BMPR1B: variants seen among roughly 807,000 people sequenced by gnomAD.
BMPR1B encodes the protein bone morphogenetic protein receptor type-1B.
A neutral mutation model predicts 59.1 loss-of-function variants in BMPR1B; 12 were observed. The observed-to-expected ratio is 0.20, with a 90% CI of 0.13 to 0.33. The LOEUF (loss-of-function observed/expected upper bound fraction) is 0.33, where lower values mean the gene tolerates loss of function less well. Ranked by LOEUF, BMPR1B falls within the 10% of genes least tolerant of loss-of-function variation. The probability of loss-of-function intolerance (pLI) is 1.00; values close to 1 mark genes in which losing one functional copy is unlikely to be tolerated. For missense variants in BMPR1B, 550 were observed against 610.9 expected (o/e 0.90, Z 1.05); for synonymous variants, 237 against 207.3 (o/e 1.14, Z -1.23).
At chr4:94,887,421 A>C (rs1371848714) in intron 2 of BMPR1B, among the ~76,000 whole-genome samples, 2 of 150,198 alleles carry the variant, frequency 1.3e-5, no homozygotes, top group Non-Finnish European at 3.0e-5. Context: ...AAAAAAAAAA[A>C]AACAAGAAGC....
intron 2 of BMPR1B, among the ~76,000 whole-genome samples, chr4:94,950,040 A>T (rs2149053278): frequency 6.6e-6 from 1 of 152,322 alleles, no homozygotes; most frequent in Non-Finnish European, 1.5e-5. Flanking sequence ...TCTAATGACC[A>T]GTGATGATGA....
chr4:94,995,408 T>C (rs1291573565), intron 2 of BMPR1B, among the ~76,000 whole-genome samples: 3 of 152,180 alleles, frequency 2.0e-5, no homozygotes, highest in Non-Finnish European at 4.4e-5. Flanking sequence ...GACCAATTAC[T>C]TAGTCACTGC....
At chr4:94,965,251 T>C (rs1730511101) in intron 2 of BMPR1B, among the ~76,000 whole-genome samples, 3 of 152,168 alleles carry the variant, frequency 2.0e-5, no homozygotes, top group South Asian at 4.1e-4. Context: ...TGGAACACTG[T>C]ACATAGTATC....
At position 95,148,761 on chromosome 4, in the gene BMPR1B, G is replaced by A; in HGVS notation, c.1090G>A (p.Val364Ile). The A allele has an allele frequency of 1.9e-6, 3 of 1,613,898 alleles. No homozygotes were observed. Among genetic ancestry groups the A allele is most frequent in the Non-Finnish European group, 2.5e-6 (3 of 1,179,894 alleles). The change falls in exon 11 of 13, where the codon GTT becomes ATT. Residue 364 changes from valine (V) to isoleucine (I), a missense_variant. By Grantham distance (29) the Val-to-Ile change is conservative. Coordinates refer to ENST00000515059, the MANE Select transcript of BMPR1B (RefSeq NM_001203.3). ...AVKFISDTNEVDIPPNTRVGT... is the reference protein window; with the variant it reads ...AVKFISDTNEIDIPPNTRVGT... ...CTTTTTCCTTAGTGATACAAATGAA[G>A]TTGACATACCACCTAACACTCGAGT...
intron 1 of BMPR1B, among the ~76,000 whole-genome samples, chr4:94,849,075 T>C (rs1171769246): frequency 3.3e-5 from 5 of 152,136 alleles, no homozygotes; most frequent in Non-Finnish European, 7.4e-5. Context: ...TATATAGGTT[T>C]TACCTAAAGC....
intron 3 of BMPR1B, among the ~76,000 whole-genome samples, chr4:95,075,017 G>T (rs1488282245): frequency 6.6e-6 from 1 of 152,068 alleles, no homozygotes; most frequent in African/African-American, 2.4e-5. Flanking sequence ...CCAAAAATTT[G>T]TAGTCTTGTT....
intron 1 of BMPR1B, among the ~76,000 whole-genome samples, chr4:94,818,815 A>G (rs969252836): frequency 7.2e-5 from 11 of 152,234 alleles, no homozygotes; most frequent in African/African-American, 2.2e-4. Context: ...GGATGTATAG[A>G]AAAGAATATC....
chr4:94,789,973 T>G (rs764071570), intron 1 of BMPR1B, among the ~76,000 whole-genome samples: 1 of 152,274 alleles, frequency 6.6e-6, no homozygotes, highest in Non-Finnish European at 1.5e-5. Context: ...AAGACCTTGA[T>G]GATGATCCAC....
intron 2 of BMPR1B, among the ~76,000 whole-genome samples, chr4:94,919,659 A>C (rs1231916306): frequency 6.6e-6 from 1 of 152,148 alleles, no homozygotes; most frequent in Non-Finnish European, 1.5e-5. Context: ...CGTGGCCACA[A>C]GGAGCAGGCC....
intron 1 of BMPR1B, among the ~76,000 whole-genome samples, chr4:94,790,322 AC>A (rs1238189382): frequency 6.6e-6 from 1 of 152,210 alleles, no homozygotes; most frequent in African/African-American, 2.4e-5. Flanking sequence ...GCTAAAGTTA[AC>A]CAGTGTGAGT....
chr4:94,758,235 G>A (rs1721603132), intron 1 of BMPR1B, among the ~76,000 whole-genome samples, 167 bp downstream of exon 1: 1 of 150,188 alleles, frequency 6.7e-6, no homozygotes. Context: ...CGGAGCGCGC[G>A]AGGGAGAGGG....
At chr4:95,111,473 C>G (rs1290818957) in intron 4 of BMPR1B, among the ~76,000 whole-genome samples, 2 of 152,074 alleles carry the variant, frequency 1.3e-5, no homozygotes, top group African/African-American at 4.8e-5. Flanking sequence ...CAGTTTTAGA[C>G]ATCTTCTAAA....
chr4:95,014,109 G>T (rs917744359), intron 3 of BMPR1B, among the ~76,000 whole-genome samples: 2 of 152,156 alleles, frequency 1.3e-5, no homozygotes, highest in East Asian at 3.9e-4. Context: ...TGTCTGACAG[G>T]TTTAAGTCCT....
intron 2 of BMPR1B, among the ~76,000 whole-genome samples, chr4:94,990,526 T>C (rs1009545153): frequency 3.3e-5 from 5 of 152,204 alleles, no homozygotes; most frequent in African/African-American, 1.2e-4. Context: ...AAATGAATTA[T>C]TGATTCCCAG....
chr4:95,105,446 C>G (rs1235547107), intron 4 of BMPR1B, among the ~76,000 whole-genome samples: 1 of 151,562 alleles, frequency 6.6e-6, no homozygotes, highest in Non-Finnish European at 1.5e-5. Context: ...GCTTCATTAG[C>G]CAGAAGGTAC....
intron 1 of BMPR1B, among the ~76,000 whole-genome samples, chr4:94,795,184 A>G (rs867043509): frequency 6.8e-6 from 1 of 147,428 alleles, no homozygotes; most frequent in Non-Finnish European, 1.5e-5. Flanking sequence ...ATTATTTTGA[A>G]ATATGTCCCA....
At chr4:95,092,061 T>C (rs552894488) in intron 3 of BMPR1B, among the ~76,000 whole-genome samples, 2 of 152,118 alleles carry the variant, frequency 1.3e-5, no homozygotes, top group African/African-American at 4.8e-5. Flanking sequence ...AACTATACAC[T>C]TCTAAATTCA....
At chr4:94,822,363 C>T (rs890714881) in intron 1 of BMPR1B, among the ~76,000 whole-genome samples, 1 of 152,106 alleles carries the variant, frequency 6.6e-6, no homozygotes, top group African/African-American at 2.4e-5. Context: ...GACCATGAGC[C>T]CCTAGAAGGC....
chr4:94,926,322 A>G (rs1296470201), intron 2 of BMPR1B, among the ~76,000 whole-genome samples: 1 of 152,014 alleles, frequency 6.6e-6, no homozygotes, highest in Non-Finnish European at 1.5e-5. Context: ...TCTTGGTCTT[A>G]TCCGTAAAGA....
Sources: gnomAD v4.1 joint callset for allele counts (sites outside exome capture counted in the v4.1 genomes callset) on GRCh38, gnomAD v4.1.1 for gene constraint, MANE v1.5 for transcripts, NCBI Gene and HGNC (gene_info 2026-07-23, HGNC 2026-07-21) for gene names.